RGS8: variants seen among roughly 807,000 people sequenced by gnomAD.
RGS8 encodes regulator of G-protein signaling 8.
A neutral mutation model predicts 21.7 loss-of-function variants in RGS8; 8 were observed. The ratio of observed to expected loss-of-function variants is 0.37; its 90% CI spans 0.22 to 0.66. The LOEUF is 0.66. Ranked by LOEUF, RGS8 falls within the 30% of genes least tolerant of loss-of-function variation. The pLI is 0.59. For missense variants in RGS8, 157 were observed against 217.9 expected (o/e 0.72, Z 1.76); for synonymous variants, 80 against 83.6 (o/e 0.96, Z 0.24).
chr1:182,741,539 G>A, the RGS8 span, among the ~76,000 whole-genome samples: 2 of 117,754 alleles, frequency 1.7e-5, no homozygotes, highest in Non-Finnish European at 3.6e-5. Flanking sequence ...CGGCTGGCCG[G>A]GCAGAGGGGC....
At chr1:182,681,587 A>G (rs1664536282) in intron 1 of RGS8, among the ~76,000 whole-genome samples, 1 of 152,166 alleles carries the variant, frequency 6.6e-6, no homozygotes, top group Admixed American at 6.5e-5. Context: ...AGCAGCAGGG[A>G]ATAGTGGAGT....
intron 5 of RGS8, among the ~76,000 whole-genome samples, chr1:182,650,589 C>T (rs1662960355): frequency 6.6e-6 from 1 of 152,168 alleles, no homozygotes; most frequent in Admixed American, 6.5e-5. Context: ...TGGCCGGGTG[C>T]AGTTGTTCAT....
chr1:182,646,653 C>A, exon 7 of RGS8: 1 of 1,360,852 alleles, frequency 7.3e-7, no homozygotes, highest in Non-Finnish European at 1.0e-6. Context: ...TTTTGAACAC[C>A]TATGACATTT....
the RGS8 span, among the ~76,000 whole-genome samples, chr1:182,705,846 C>T: frequency 1.3e-5 from 2 of 152,226 alleles, no homozygotes; most frequent in African/African-American, 2.4e-5. Flanking sequence ...CGTTCAACAG[C>T]TTCTTCTATA....
At chr1:182,687,193 G>A (rs574564792), upstream of RGS8, among the ~76,000 whole-genome samples, 126 of 152,244 alleles carry the variant, frequency 8.3e-4, 1 homozygote, top group Non-Finnish European at 3.4e-4. Flanking sequence ...CTGGGAATAC[G>A]CATTTATTTC....
At chr1:182,651,089 G>A (rs1177918433) in intron 5 of RGS8, among the ~76,000 whole-genome samples, 1 of 152,166 alleles carries the variant, frequency 6.6e-6, no homozygotes, top group Non-Finnish European at 1.5e-5. Flanking sequence ...AAACTCTGGA[G>A]GAAGGGAATA....
At chr1:182,687,449 A>G (rs769963180), upstream of RGS8, among the ~76,000 whole-genome samples, 3 of 152,248 alleles carry the variant, frequency 2.0e-5, no homozygotes, top group South Asian at 4.1e-4. Flanking sequence ...TATGGCACAC[A>G]CAGAAAATAA....
chr1:182,747,043 C>CCTTTTTTTTTTTT, the RGS8 span, among the ~76,000 whole-genome samples: 1 of 21,028 alleles, frequency 4.8e-5, no homozygotes, highest in African/African-American at 1.4e-4. Context: ...CACTGCTGGT[C>CCTTTTTTTTTTTT]TTTTTTTTTT....
chr1:182,675,025 C>T (rs115415431), upstream of RGS8, among the ~76,000 whole-genome samples: 1,422 of 152,266 alleles, frequency 9.3e-3, 21 homozygotes, highest in African/African-American at 0.033. Flanking sequence ...AGCTCTAGGC[C>T]GCTTTTCCAG....
chr1:182,741,295 C>T, the RGS8 span, among the ~76,000 whole-genome samples: 1 of 54,096 alleles, frequency 1.8e-5, no homozygotes, highest in South Asian at 8.2e-4. Flanking sequence ...GACGGGGCGG[C>T]TGGCCGGGTG....
downstream of RGS8, chr1:182,644,843 C>T (rs1308894296): frequency 6.6e-6 from 1 of 152,182 alleles, no homozygotes; most frequent in African/African-American, 2.4e-5. Flanking sequence ...TGGGAGGATA[C>T]TACCTGATCT....
At chr1:182,746,589 T>C in the RGS8 span, among the ~76,000 whole-genome samples, 8,047 of 151,808 alleles carry the variant, frequency 0.053, 241 homozygotes, top group Middle Eastern at 0.071. Flanking sequence ...AAGGCAGAGG[T>C]TGCAGTGAGT....
the RGS8 span, among the ~76,000 whole-genome samples, chr1:182,735,693 A>G: frequency 1.3e-5 from 2 of 152,350 alleles, no homozygotes; most frequent in African/African-American, 4.8e-5. Context: ...GTGCCTCTAC[A>G]CAGCCTGATT....
At chr1:182,707,525 C>T in the RGS8 span, among the ~76,000 whole-genome samples, 1 of 152,170 alleles carries the variant, frequency 6.6e-6, no homozygotes, top group Non-Finnish European at 1.5e-5. Flanking sequence ...CCTCTACTAT[C>T]ACCGCCACTA....
chr1:182,751,161 A>G, the RGS8 span, among the ~76,000 whole-genome samples: 1 of 152,262 alleles, frequency 6.6e-6, no homozygotes, highest in South Asian at 2.1e-4. Flanking sequence ...AACAGAAAGA[A>G]GAAATCAGAA....
chr1:182,645,070 G>C (rs1201940726), downstream of RGS8: 1 of 152,156 alleles, frequency 6.6e-6, no homozygotes, highest in Admixed American at 6.5e-5. Flanking sequence ...TCTAGCTATA[G>C]CTAAAAAAGG....
chr1:182,736,456 CTAGATTTAG>C, the RGS8 span, among the ~76,000 whole-genome samples: 3 of 152,108 alleles, frequency 2.0e-5, no homozygotes, highest in African/African-American at 7.2e-5. Context: ...GGGTCCCACA[CTAGATTTAG>C]TAGATTTAGT....
the RGS8 span, among the ~76,000 whole-genome samples, chr1:182,694,642 A>C: frequency 6.6e-6 from 1 of 151,874 alleles, no homozygotes; most frequent in African/African-American, 2.4e-5. Flanking sequence ...CCCTGTCTCT[A>C]CTAAAAATAC....
exon 2 of RGS8, chr1:182,671,679 C>T: frequency 6.2e-7 from 1 of 1,614,170 alleles, no homozygotes; most frequent in Non-Finnish European, 8.5e-7. Context: ...GTCCTCATGG[C>T]CTGAGGGTCT....
Sources: allele counts gnomAD v4.1 joint callset (sites outside exome capture counted in the v4.1 genomes callset), GRCh38; gene constraint gnomAD v4.1.1; transcripts MANE v1.5; gene names NCBI Gene and HGNC (gene_info 2026-07-23, HGNC 2026-07-21).